The following TENM4 variants were observed in gnomAD, a reference collection of about 807,000 sequenced individuals.
TENM4 encodes teneurin-4.
A neutral mutation model predicts 243.3 loss-of-function variants in TENM4; 82 were observed. The ratio of observed to expected loss-of-function variants is 0.34; its 90% confidence interval spans 0.28 to 0.40. The LOEUF (loss-of-function observed/expected upper bound fraction) is 0.40. Ranked by LOEUF, TENM4 falls within the 10% of genes least tolerant of loss-of-function variation. The pLI, the probability that TENM4 is intolerant of heterozygous loss-of-function variation, is 1.00. For missense variants in TENM4, 3,138 were observed against 3,673.3 expected (o/e 0.85, Z 3.77); for synonymous variants, 1,412 against 1,456.3 (o/e 0.97, Z 0.69).
intron 1 of TENM4, among the ~76,000 whole-genome samples, chr11:79,387,795 A>G (rs934329267): frequency 2.6e-5 from 4 of 152,214 alleles, no homozygotes; most frequent in African/African-American, 7.2e-5. Flanking sequence ...ACTTAAGCCC[A>G]GGAGTTCGAG....
chr11:78,792,890 T>C (rs1857085668), intron 15 of TENM4, among the ~76,000 whole-genome samples: 1 of 152,208 alleles, frequency 6.6e-6, no homozygotes, highest in South Asian at 2.1e-4. Context: ...ACACATCTTC[T>C]TCATGCTAAT....
At chr11:78,785,343 G>A (rs919689511) in intron 16 of TENM4, among the ~76,000 whole-genome samples, 1 of 152,178 alleles carries the variant, frequency 6.6e-6, no homozygotes, top group African/African-American at 2.4e-5. Flanking sequence ...TCTGTTGAGG[G>A]TGGAGGCTGG....
chr11:79,365,650 G>A (rs1309112338), intron 1 of TENM4, among the ~76,000 whole-genome samples: 1 of 152,156 alleles, frequency 6.6e-6, no homozygotes, highest in Non-Finnish European at 1.5e-5. Context: ...ACACTGCAGT[G>A]GGGAGACAGG....
At chr11:78,670,633 C>T (rs7938204) in intron 31 of TENM4, 82 bp from the exon 32 acceptor site, 889,175 of 1,325,792 alleles carry the variant, frequency 0.67, 307,541 homozygotes, top group Non-Finnish European at 0.72. Context: ...CTTAAAGGGA[C>T]GGAATGAATG....
At chr11:78,698,914 G>A (rs1159930668) in intron 28 of TENM4, among the ~76,000 whole-genome samples, 1 of 152,128 alleles carries the variant, frequency 6.6e-6, no homozygotes, top group African/African-American at 2.4e-5. Context: ...AGCCGACTTT[G>A]GATATTCTCA....
intron 6 of TENM4, among the ~76,000 whole-genome samples, chr11:78,998,599 T>A (rs577727745): frequency 1.5e-5 from 2 of 131,578 alleles, no homozygotes; most frequent in East Asian, 4.4e-4. Context: ...TGGGACTCAG[T>A]GGTGTTATCA....
chr11:78,969,733 G>T (rs1857503596), intron 6 of TENM4, among the ~76,000 whole-genome samples: 1 of 152,178 alleles, frequency 6.6e-6, no homozygotes, highest in Admixed American at 6.5e-5. Flanking sequence ...GCTGTGGGCT[G>T]CAGGGAAGGC....
chr11:79,383,515 C>T (rs1202934402), intron 1 of TENM4, among the ~76,000 whole-genome samples: 2 of 152,162 alleles, frequency 1.3e-5, no homozygotes, highest in Non-Finnish European at 2.9e-5. Context: ...AAGGGAGCTG[C>T]GATATTTCAG....
chr11:78,675,701 C>A (rs957566419), intron 30 of TENM4, among the ~76,000 whole-genome samples: 3 of 152,106 alleles, frequency 2.0e-5, no homozygotes, highest in African/African-American at 7.2e-5. Context: ...TTGGGACATG[C>A]TAGCAATAGT....
chr11:79,370,779 T>TAAAAAAAAAAAAAAAAAA (rs544196671), intron 1 of TENM4, among the ~76,000 whole-genome samples: 5 of 57,144 alleles, frequency 8.7e-5, no homozygotes, highest in African/African-American at 1.8e-4. Flanking sequence ...ACTCCTATGG[T>TAAAAAAAAAAAAAAAAAA]AAAAAAAAAA....
intron 12 of TENM4, among the ~76,000 whole-genome samples, chr11:78,837,027 TG>T (rs1858133211): frequency 6.6e-6 from 1 of 152,168 alleles, no homozygotes; most frequent in Admixed American, 6.5e-5. Flanking sequence ...TTGAGCTAAA[TG>T]GGGAGAGGAG....
At chr11:78,738,712 A>G in intron 19 of TENM4, 142 bp from the exon 20 acceptor site, 1 of 784,752 alleles carries the variant, frequency 1.3e-6, no homozygotes. Flanking sequence ...TGTTCACTCA[A>G]GATGCATAAT....
intron 19 of TENM4, among the ~76,000 whole-genome samples, chr11:78,750,978 C>T (rs939704584): frequency 1.4e-4 from 21 of 152,032 alleles, no homozygotes; most frequent in Non-Finnish European, 2.9e-4. Flanking sequence ...CTCCTGGGTT[C>T]AAGTGATTCT....
rs528770203 is a variant in TENM4, at chr11:79,335,714, C to T, written c.-320-38171G>A. Among the ~76,000 whole-genome samples, 37 of 152,286 alleles carry T rather than the reference C, an allele frequency of 2.4e-4. 1 individual carries two copies. The South Asian group carries it at 7.3e-3, about 30-fold the overall frequency. On this transcript the variant is annotated intron_variant, in intron 1 of 33. Coordinates refer to ENST00000278550, the MANE Select transcript of TENM4 (RefSeq NM_001098816.3). ...CATAAGGCCTGTGTGCATCTTGGCT[C>T]AGGAGAAGCCTAGAGGGGACATGGT... is the stretch of plus-strand genomic sequence containing the variant.
At chr11:79,435,866 G>A (rs118055720) in intron 1 of TENM4, among the ~76,000 whole-genome samples, 2,713 of 152,180 alleles carry the variant, frequency 0.018, 43 homozygotes, top group Middle Eastern at 0.034. Flanking sequence ...TGGAAATATC[G>A]GGTTATGTAA....
intron 1 of TENM4, among the ~76,000 whole-genome samples, chr11:79,335,801 C>T (rs1292772801): frequency 6.6e-6 from 1 of 152,160 alleles, no homozygotes; most frequent in African/African-American, 2.4e-5. Flanking sequence ...GTTATAGGAG[C>T]CCGCAGCTTG....
chr11:79,104,657 G>A (rs1332093790), intron 4 of TENM4, among the ~76,000 whole-genome samples: 1 of 152,192 alleles, frequency 6.6e-6, no homozygotes, highest in African/African-American at 2.4e-5. Flanking sequence ...GATAAGCAAT[G>A]CTGCCAATGA....
At chr11:78,699,669 C>T (rs1859057798) in intron 28 of TENM4, among the ~76,000 whole-genome samples, 1 of 152,178 alleles carries the variant, frequency 6.6e-6, no homozygotes, top group South Asian at 2.1e-4. Context: ...AAAACTTTTC[C>T]TTCTTCACTA....
At chr11:78,981,584 C>T (rs558308054) in intron 6 of TENM4, among the ~76,000 whole-genome samples, 2 of 152,258 alleles carry the variant, frequency 1.3e-5, no homozygotes, top group South Asian at 4.1e-4. Flanking sequence ...TCTGGGGGTT[C>T]CCTGGACGGG....
Sources: allele counts gnomAD v4.1 joint callset (sites outside exome capture counted in the v4.1 genomes callset), GRCh38; gene constraint gnomAD v4.1.1; transcripts MANE v1.5; gene names NCBI Gene and HGNC (gene_info 2026-07-23, HGNC 2026-07-21).